The following C1QTNF3 variants were observed in gnomAD, a reference collection of about 807,000 sequenced individuals.
C1QTNF3 encodes complement C1q tumor necrosis factor-related protein 3.
C1QTNF3 carries 26 observed loss-of-function variants against 32.6 expected under a neutral mutation model. That is an observed-to-expected ratio of 0.80 (90% CI 0.58 to 1.11). The LOEUF (loss-of-function observed/expected upper bound fraction) is 1.11, where lower values mean the gene tolerates loss of function less well. C1QTNF3 is among the 50% of genes least tolerant of loss of function. The probability of loss-of-function intolerance (pLI) is 0.00; values close to 1 mark genes in which losing one functional copy is unlikely to be tolerated. For synonymous variants in C1QTNF3, 155 were observed against 146.0 expected, an observed-to-expected ratio of 1.06 and a Z score of -0.44; for missense variants, 362 against 398.2, an observed-to-expected ratio of 0.91 and a Z score of 0.77.
the C1QTNF3 span, among the ~76,000 whole-genome samples, chr5:34,126,924 CT>C: frequency 1.3e-5 from 2 of 152,112 alleles, no homozygotes; most frequent in Non-Finnish European, 2.9e-5. Context: ...GGACATCCCC[CT>C]GGCTGTTAGC....
chr5:34,177,480 CTTTTTTT>C, the C1QTNF3 span, among the ~76,000 whole-genome samples: 16 of 84,642 alleles, frequency 1.9e-4, 1 homozygote, highest in East Asian at 1.1e-3. Context: ...CCATACCCAA[CTTTTTTT>C]TTTTTTTTTT....
the C1QTNF3 span, among the ~76,000 whole-genome samples, chr5:34,217,371 C>G: frequency 6.6e-6 from 1 of 151,984 alleles, no homozygotes; most frequent in African/African-American, 2.4e-5. Flanking sequence ...ATATAGGAAG[C>G]CTGCATAATA....
At chr5:34,163,462 ATG>A in the C1QTNF3 span, among the ~76,000 whole-genome samples, 1 of 137,848 alleles carries the variant, frequency 7.3e-6, no homozygotes, top group Non-Finnish European at 1.6e-5. Context: ...TTACTATAAA[ATG>A]TATTTTATTA....
chr5:34,075,673 G>C, the C1QTNF3 span, among the ~76,000 whole-genome samples: 1 of 151,524 alleles, frequency 6.6e-6, no homozygotes, highest in Admixed American at 6.6e-5. Flanking sequence ...TGAAAAAATG[G>C]AATGGAAATA....
chr5:34,169,298 G>A, the C1QTNF3 span: 1 of 152,018 alleles, frequency 6.6e-6, no homozygotes, highest in Non-Finnish European at 1.5e-5. Flanking sequence ...AGGTTAGTCT[G>A]TGAAGTAGAG....
At chr5:34,049,706 AAGTCTGAAACTC>A in the C1QTNF3 span, among the ~76,000 whole-genome samples, 1 of 152,194 alleles carries the variant, frequency 6.6e-6, no homozygotes, top group Non-Finnish European at 1.5e-5. Flanking sequence ...GAGAGCTGGC[AAGTCTGAAACTC>A]ACAGGGCAGG....
the C1QTNF3 span, among the ~76,000 whole-genome samples, chr5:34,172,840 A>G: frequency 1.3e-5 from 2 of 152,180 alleles, no homozygotes; most frequent in Non-Finnish European, 2.9e-5. Context: ...TACAAAAACT[A>G]TTCTACCAAT....
chr5:34,052,868 A>G, the C1QTNF3 span, among the ~76,000 whole-genome samples: 1 of 152,224 alleles, frequency 6.6e-6, no homozygotes, highest in African/African-American at 2.4e-5. Context: ...CATTAAACCT[A>G]TTAAGAGGTT....
the C1QTNF3 span, among the ~76,000 whole-genome samples, chr5:34,123,918 G>T: frequency 6.6e-6 from 1 of 152,082 alleles, no homozygotes; most frequent in Non-Finnish European, 1.5e-5. Flanking sequence ...TTAATTTTGT[G>T]CTTGAAATAC....
chr5:34,069,279 G>C, the C1QTNF3 span, among the ~76,000 whole-genome samples: 1 of 148,754 alleles, frequency 6.7e-6, no homozygotes, highest in African/African-American at 2.5e-5. Flanking sequence ...TTTTAGTAGA[G>C]ATATTGAATT....
At chr5:34,081,106 T>C in the C1QTNF3 span, among the ~76,000 whole-genome samples, 1 of 151,716 alleles carries the variant, frequency 6.6e-6, no homozygotes, top group Non-Finnish European at 1.5e-5. Flanking sequence ...CTTCGAATCT[T>C]TGAACAAGGT....
At chr5:34,079,251 A>T in the C1QTNF3 span, among the ~76,000 whole-genome samples, 2 of 151,610 alleles carry the variant, frequency 1.3e-5, no homozygotes, top group Non-Finnish European at 1.5e-5. Flanking sequence ...ACTACAAGAC[A>T]TGGAATTCTA....
chr5:34,028,777 C>G lies in C1QTNF3; in HGVS notation c.677G>C (p.Gly226Ala), dbSNP rs1330887004. ...NIGNFFDVMT[G>A]RFGAPVSGVY... ...ACCTGATACTGGGGCCCCAAATCTA[C>G]CAGTCATGACATCAAAGAAGTTTCC... Residue 226 changes from glycine to alanine, a missense_variant, in exon 4 of 6, where the codon GGT becomes GCT. By Grantham distance (60) the Gly-to-Ala change is moderately conservative. Coordinates refer to ENST00000382065, the MANE Select transcript of C1QTNF3 (RefSeq NM_181435.6). 1 of 1,608,576 alleles carries G rather than the reference C, an allele frequency of 6.2e-7. No homozygotes were observed.
At chr5:34,103,993 G>A in the C1QTNF3 span, among the ~76,000 whole-genome samples, 1 of 148,484 alleles carries the variant, frequency 6.7e-6, no homozygotes, top group South Asian at 2.2e-4. Flanking sequence ...GAAAAATTAT[G>A]TTGCCATCAC....
the C1QTNF3 span, among the ~76,000 whole-genome samples, chr5:34,075,331 C>T: frequency 6.6e-6 from 1 of 151,432 alleles, no homozygotes; most frequent in South Asian, 2.1e-4. Context: ...AAATATAATT[C>T]ACAAGAGTTA....
chr5:34,172,522 C>T, the C1QTNF3 span, among the ~76,000 whole-genome samples: 1 of 152,114 alleles, frequency 6.6e-6, no homozygotes, highest in Middle Eastern at 3.4e-3. Context: ...TTATTCTTTC[C>T]CTGTGTAACT....
chr5:34,135,587 C>G, the C1QTNF3 span, among the ~76,000 whole-genome samples: 1 of 151,870 alleles, frequency 6.6e-6, no homozygotes, highest in Non-Finnish European at 1.5e-5. Context: ...ATACCAATGA[C>G]TTTCTTCACA....
the C1QTNF3 span, among the ~76,000 whole-genome samples, chr5:34,127,184 G>C: frequency 6.6e-6 from 1 of 151,940 alleles, no homozygotes; most frequent in African/African-American, 2.4e-5. Context: ...TACCGGGAAA[G>C]TGTGGCACTG....
the C1QTNF3 span, among the ~76,000 whole-genome samples, chr5:34,183,322 A>T: frequency 1.9e-4 from 25 of 129,414 alleles, no homozygotes; most frequent in South Asian, 9.6e-4. Flanking sequence ...TAATTTTTTA[A>T]TTTTCTTTTT....
Sources: allele counts gnomAD v4.1 joint callset (sites outside exome capture counted in the v4.1 genomes callset), GRCh38; gene constraint gnomAD v4.1.1; transcripts MANE v1.5; gene names NCBI Gene and HGNC (gene_info 2026-07-23, HGNC 2026-07-21).